Variants in CLU observed in about 807,000 individuals in gnomAD.
CLU encodes the protein aging-associated protein 4.
A neutral mutation model predicts 46.4 loss-of-function variants in CLU; 25 were observed. That is an observed-to-expected ratio of 0.54 (90% CI 0.39 to 0.75). CLU has a LOEUF of 0.75. Ranked by LOEUF, CLU falls within the 30% of genes least tolerant of loss-of-function variation. CLU has a pLI of 0.00. For synonymous variants in CLU, 235 were observed against 235.1 expected (o/e 1.00, Z 0.00); for missense variants, 504 against 592.1 (o/e 0.85, Z 1.54).
intron 6 of CLU, among the ~76,000 whole-genome samples, chr8:27,603,452 G>A (rs1031756780): frequency 2.6e-5 from 4 of 152,224 alleles, no homozygotes; most frequent in African/African-American, 4.8e-5. Flanking sequence ...CCACCAGATC[G>A]ATAAGCTGTT....
At chr8:27,612,062 GA>G in intron 1 of CLU, 3 of 329,238 alleles carry the variant, frequency 9.1e-6, no homozygotes, top group South Asian at 7.8e-5. Flanking sequence ...CAAGATACAG[GA>G]AAGGAATTCC....
intron 6 of CLU, among the ~76,000 whole-genome samples, chr8:27,603,451 C>G (rs551959163): frequency 3.3e-5 from 5 of 152,170 alleles, no homozygotes; most frequent in African/African-American, 9.6e-5. Context: ...GCCACCAGAT[C>G]GATAAGCTGT....
At chr8:27,605,382 A>C in intron 4 of CLU, 47 bp from the exon 5 acceptor site, 1 of 1,607,060 alleles carries the variant, frequency 6.2e-7, no homozygotes, top group South Asian at 1.1e-5. Context: ...CACCAAGGCC[A>C]CGGCCTCCTG....
At chr8:27,607,125 G>A (rs1048304208) in intron 3 of CLU, among the ~76,000 whole-genome samples, 2 of 152,184 alleles carry the variant, frequency 1.3e-5, no homozygotes, top group African/African-American at 2.4e-5. Flanking sequence ...ATTACTTGGG[G>A]TCAGGAGTTT....
At chr8:27,598,424 G>T (rs1379229350) in intron 8 of CLU, 36 bp downstream of exon 8, 5 of 1,612,506 alleles carry the variant, frequency 3.1e-6, no homozygotes, top group Non-Finnish European at 4.2e-6. Flanking sequence ...GACTCACTGG[G>T]CCCTGCAGGC....
Position 27,605,185 on chromosome 8 carries a change from G to C in CLU, c.568C>G (p.Leu190Val), listed in dbSNP as rs200285402. ...FSRASSIIDELFQDRFFTREP... is the reference protein window; with the variant it reads ...FSRASSIIDEVFQDRFFTREP... ...CGGGTGAAGAACCTGTCCTGGAAGA[G>C]CTCGTCTATGATGCTGGACGCGCGG... Residue 190 changes from leucine to valine, a missense_variant, in exon 5 of 9, where the codon CTC becomes GTC. Physicochemically the swap from Leu to Val is conservative, Grantham distance 32 (BLOSUM62 1). Coordinates refer to ENST00000316403, the MANE Select transcript of CLU (RefSeq NM_001831.4). The C allele has an allele frequency of 3.1e-6, 5 of 1,614,226 alleles. No individual in the cohort carries two copies. The East Asian group carries it at 1.1e-4, about 36-fold the overall frequency.
intron 2 of CLU, among the ~76,000 whole-genome samples, chr8:27,609,541 A>T (rs1236749683): frequency 6.6e-6 from 1 of 152,246 alleles, no homozygotes; most frequent in Non-Finnish European, 1.5e-5. Context: ...GAATAAGAAG[A>T]TGAGTAAATG....
chr8:27,613,982 T>C (rs1251736239), intron 1 of CLU: 1 of 152,208 alleles, frequency 6.6e-6, no homozygotes, highest in African/African-American at 2.4e-5. Context: ...TGCTGTTTAG[T>C]GTTGGCACCA....
At chr8:27,598,414 G>C in intron 8 of CLU, 46 bp downstream of exon 8, 1 of 1,611,864 alleles carries the variant, frequency 6.2e-7, no homozygotes, top group South Asian at 1.1e-5. Context: ...GGCTCCCAGA[G>C]ACTCACTGGG....
At chr8:27,603,816 G>A (rs9331922) in intron 6 of CLU, among the ~76,000 whole-genome samples, 5,701 of 152,204 alleles carry the variant, frequency 0.037, 359 homozygotes, top group African/African-American at 0.13. Context: ...TTTCCTCAGA[G>A]GGTCATTCTG....
At chr8:27,614,428 G>A in intron 1 of CLU, 1 of 311,052 alleles carries the variant, frequency 3.2e-6, no homozygotes, top group East Asian at 1.2e-4. Context: ...ACAGAATTGT[G>A]GTTGGAGCTC....
Position 27,597,898 on chromosome 8 carries a change from T to G in CLU, c.*343A>C. ...ACCATCTTAGCCACTGCTTTTTTGT[T>G]TCTACTTATTTTCCATCCCCCCTGC... On this transcript the variant is annotated 3_prime_UTR_variant, in exon 9 of 9. Coordinates refer to ENST00000316403, the MANE Select transcript of CLU (RefSeq NM_001831.4). 1 of 538,874 alleles carries G rather than the reference T, an allele frequency of 1.9e-6. No homozygotes were observed. Among genetic ancestry groups the G allele is most frequent in the Non-Finnish European group, 3.5e-6 (1 of 283,484 alleles). 33.4% of individuals were successfully genotyped at this position (538,874 alleles called of 1,614,324 possible).
At chr8:27,603,997 CT>C (rs1477408059) in intron 6 of CLU, among the ~76,000 whole-genome samples, 1 of 152,152 alleles carries the variant, frequency 6.6e-6, no homozygotes, top group East Asian at 1.9e-4. Context: ...AGGGGGATGA[CT>C]TTTTTCAACA....
At chr8:27,614,461 C>T in intron 1 of CLU, 194 bp downstream of exon 1, 1 of 329,096 alleles carries the variant, frequency 3.0e-6, no homozygotes, top group South Asian at 2.5e-5. Flanking sequence ...GGCGGTTGCG[C>T]CGGGGCCCCT....
At chr8:27,601,747 G>T (rs1800725062) in intron 6 of CLU, among the ~76,000 whole-genome samples, 2 of 152,102 alleles carry the variant, frequency 1.3e-5, no homozygotes, top group South Asian at 4.1e-4. Flanking sequence ...CTAACAAGAT[G>T]CCAGTTTGAA....
chr8:27,614,667 C>T lies in CLU; in HGVS notation c.-42G>A, dbSNP rs763346074. On this transcript the variant is annotated 5_prime_UTR_variant, in exon 1 of 9. In the 5' UTR this introduces an upstream ATG that the reference lacks. Transcript: ENST00000316403. ...GGGGACATCTCACCGGTCAGCGGCA[C>T]CCTGTGCCCGCGCGCTCCTCCTGGC... 1.9e-6 allele frequency: 1 copy of T among 532,054 alleles called. No homozygotes were observed. The highest frequency in any genetic ancestry group is 1.4e-5 in the South Asian group (1 of 71,478). The allele number at this position is 532,054 out of a possible 1,614,324, so 33.0% of individuals were successfully genotyped here.
At chr8:27,603,275 G>A (rs1042683093) in intron 6 of CLU, among the ~76,000 whole-genome samples, 11 of 152,200 alleles carry the variant, frequency 7.2e-5, no homozygotes, top group African/African-American at 2.4e-4. Context: ...AAAGCCCCAA[G>A]GCCTGGTTGT....
chr8:27,609,887 T>A (rs933415098), intron 2 of CLU, among the ~76,000 whole-genome samples: 1 of 152,194 alleles, frequency 6.6e-6, no homozygotes, highest in Non-Finnish European at 1.5e-5. Flanking sequence ...GGTCATCATT[T>A]CAATGTATGT....
At chr8:27,611,219 G>C in intron 1 of CLU, 1 of 454,194 alleles carries the variant, frequency 2.2e-6, no homozygotes, top group Non-Finnish European at 4.4e-6. Flanking sequence ...ATCCCTAGTG[G>C]GAGACTTGGG....
Sources: allele counts gnomAD v4.1 joint callset (sites outside exome capture counted in the v4.1 genomes callset), GRCh38; gene constraint gnomAD v4.1.1; transcripts MANE v1.5; gene names NCBI Gene and HGNC (gene_info 2026-07-23, HGNC 2026-07-21).